The following MSN variants were observed in gnomAD, a reference collection of about 807,000 sequenced individuals.
MSN encodes moesin.
In MSN, 2 loss-of-function variants were observed where a neutral mutation model predicts 48.0. The observed-to-expected ratio is 0.04, with a 90% CI of 0.02 to 0.13. The LOEUF (loss-of-function observed/expected upper bound fraction) is 0.13, where lower values mean the gene tolerates loss of function less well. Among genes scored for constraint, MSN ranks in the 10% least tolerant of loss-of-function variants. The probability of loss-of-function intolerance (pLI) is 1.00; values close to 1 mark genes in which losing one functional copy is unlikely to be tolerated. For missense variants in MSN, 267 were observed against 470.1 expected (o/e 0.57, Z 3.99); for synonymous variants, 146 against 166.9 (o/e 0.87, Z 0.97).
intron 1 of MSN, among the ~76,000 whole-genome samples, chrX:65,710,127 G>A (rs2071399541): frequency 8.9e-6 from 1 of 112,232 alleles, no homozygotes; most frequent in Non-Finnish European, 1.9e-5. Context: ...ACATTTGAGT[G>A]CTCTTGTGCC....
In MSN at chrX:65,622,796, C is replaced by A. The variant is rs751438802; in HGVS notation, c.-22+34184C>A. 5.4e-5 allele frequency among the ~76,000 whole-genome samples: 6 copies of A among 111,502 alleles called. No homozygotes were observed. The South Asian group carries it at 2.2e-3, about 42-fold the overall frequency. ...AAAGTGCTGGGATTATAGGTGTGAGCCACTGCTCCCAGTCAGCATCTTTGT... is the reference window on the plus strand; with the variant it reads ...AAAGTGCTGGGATTATAGGTGTGAGACACTGCTCCCAGTCAGCATCTTTGT... On this transcript the variant is annotated intron_variant, in intron 1 of 3. Transcript: ENST00000609672.
At chrX:65,673,218 T>C (rs2070960197) in intron 1 of MSN, among the ~76,000 whole-genome samples, 1 of 111,657 alleles carries the variant, frequency 9.0e-6, no homozygotes, top group Non-Finnish European at 1.9e-5. Context: ...CCTCATAGAT[T>C]TTCCTGCCAT....
chrX:65,596,754 C>T (rs753879901), intron 1 of MSN, among the ~76,000 whole-genome samples: 1 of 110,214 alleles, frequency 9.1e-6, no homozygotes, highest in South Asian at 3.9e-4. Context: ...GAGACTAAAT[C>T]CCCAGTCCTC....
At chrX:65,711,358 C>A (rs1428115593) in intron 1 of MSN, among the ~76,000 whole-genome samples, 2 of 110,647 alleles carry the variant, frequency 1.8e-5, no homozygotes, top group Admixed American at 9.6e-5. Context: ...CCGCGCCTGG[C>A]CTAATTTTTG....
chrX:65,597,663 G>T (rs1164466348), intron 1 of MSN, among the ~76,000 whole-genome samples: 2 of 112,002 alleles, frequency 1.8e-5, no homozygotes, highest in African/African-American at 3.2e-5. Context: ...GTGCTTTTTG[G>T]CTGGAGACAT....
intron 1 of MSN, among the ~76,000 whole-genome samples, chrX:65,621,148 C>A (rs2070440694): frequency 1.8e-5 from 2 of 111,254 alleles, no homozygotes; most frequent in South Asian, 7.5e-4. Flanking sequence ...ATCTCCTGAT[C>A]TTGTGATCCG....
intron 1 of MSN, among the ~76,000 whole-genome samples, chrX:65,697,592 C>A (rs1303055870): frequency 8.9e-6 from 1 of 111,993 alleles, no homozygotes; most frequent in African/African-American, 3.2e-5. Context: ...GCCAAAGCCA[C>A]TGTAGGCACA....
intron 1 of MSN, among the ~76,000 whole-genome samples, chrX:65,691,096 A>G (rs920461693): frequency 1.8e-5 from 2 of 111,211 alleles, no homozygotes; most frequent in Non-Finnish European, 3.8e-5. Flanking sequence ...AGAGAAAGGT[A>G]ACTGGGAGCT....
intron 1 of MSN, among the ~76,000 whole-genome samples, chrX:65,708,534 C>A (rs944536228): frequency 9.0e-6 from 1 of 110,974 alleles, no homozygotes; most frequent in African/African-American, 3.3e-5. Flanking sequence ...CTCAGGTGAT[C>A]CGCCCACATT....
rs371429787 is a variant in MSN, at chrX:65,617,452, G to C, written c.-22+28840G>C. The stretch of plus-strand genomic sequence containing the variant: ...AGTCTTGGGAGAGTGTATGTGTCCA[G>C]GAATTTATGCATTTCTTCTAGATTT... On this transcript the variant is annotated intron_variant, in intron 1 of 3. Coordinates refer to the MSN transcript ENST00000609672. Among the ~76,000 whole-genome samples, 49 of 103,038 alleles carry C rather than the reference G, an allele frequency of 4.8e-4. 1 individual carries two copies. The East Asian group carries it at 0.013, about 28-fold the overall frequency. The allele number at this position is 103,038 out of a possible 115,157, so 89.5% of individuals were successfully genotyped here.
chrX:65,727,718 G>A, intron 2 of MSN, 96 bp from the exon 3 acceptor site: 1 of 687,650 alleles, frequency 1.5e-6, no homozygotes, highest in Non-Finnish European at 2.3e-6. Flanking sequence ...ACCCTTTAAG[G>A]GCAGATATAA....
intron 2 of MSN, among the ~76,000 whole-genome samples, chrX:65,724,137 C>A (rs1435535302): frequency 9.3e-6 from 1 of 107,163 alleles, no homozygotes; most frequent in Middle Eastern, 4.3e-3. Context: ...ATCCTTCTCT[C>A]TCTCTCTCTC....
intron 2 of MSN, among the ~76,000 whole-genome samples, chrX:65,720,971 A>G (rs999280569): frequency 1.1e-4 from 12 of 112,021 alleles, no homozygotes; most frequent in Non-Finnish European, 1.9e-4. Flanking sequence ...TTCAACTTCT[A>G]AAGCTTTTGA....
At chrX:65,617,667 T>C (rs1235155362) in intron 1 of MSN, among the ~76,000 whole-genome samples, 1 of 97,380 alleles carries the variant, frequency 1.0e-5, no homozygotes, top group African/African-American at 4.2e-5. Context: ...GCTCCTGGAT[T>C]CATTAATTTT....
At chrX:65,723,839 C>T (rs1353138746) in intron 2 of MSN, among the ~76,000 whole-genome samples, 2 of 111,192 alleles carry the variant, frequency 1.8e-5, no homozygotes, top group Non-Finnish European at 3.8e-5. Context: ...TGATTTCAGA[C>T]CATATTTCCT....
chrX:65,704,799 T>G (rs1306884636), intron 1 of MSN, among the ~76,000 whole-genome samples: 1 of 105,168 alleles, frequency 9.5e-6, no homozygotes, highest in African/African-American at 3.5e-5. Flanking sequence ...AGATGGAGTC[T>G]TGCTCCGTCA....
chrX:65,653,748 T>G (rs1336615037), intron 1 of MSN, among the ~76,000 whole-genome samples: 1 of 110,319 alleles, frequency 9.1e-6, no homozygotes, highest in Admixed American at 9.7e-5. Context: ...CACATACACA[T>G]AGCTATGACC....
Position 65,736,854 on chromosome X carries a change from T to C in MSN, c.1019T>C (p.Ile340Thr), listed in dbSNP as rs374474374. 7 of 1,177,031 alleles carry C rather than the reference T, an allele frequency of 5.9e-6. No homozygotes were observed. Among genetic ancestry groups the C allele is most frequent in the Non-Finnish European group, 6.8e-6 (6 of 877,551 alleles). ...REMAEKEKEK[I>T]EREKEELMER... The stretch of plus-strand genomic sequence containing the variant: ...ATGGCAGAGAAGGAGAAAGAGAAGA[T>C]TGAACGGGAGAAGGAGGAGCTGATG... Residue 340 changes from isoleucine (I) to threonine (T), a missense_variant, in exon 9 of 13, where the codon ATT (isoleucine) becomes ACT (threonine). Around this residue, in one of 5 missense-constraint regions of MSN, gnomAD observed 58 missense variants for 104.6 expected, o/e 0.55. Coordinates refer to ENST00000360270, the MANE Select transcript of MSN (RefSeq NM_002444.3).
At chrX:65,627,827 T>C (rs1269823218) in intron 1 of MSN, among the ~76,000 whole-genome samples, 1 of 112,092 alleles carries the variant, frequency 8.9e-6, no homozygotes, top group East Asian at 2.8e-4. Context: ...AAAGGCAAGC[T>C]AGTTACTTCT....
Sources: allele counts gnomAD v4.1 joint callset (sites outside exome capture counted in the v4.1 genomes callset), GRCh38; gene constraint gnomAD v4.1.1; regional missense constraint gnomAD v4.1.1; transcripts MANE v1.5; gene names NCBI Gene and HGNC (gene_info 2026-07-23, HGNC 2026-07-21).